Variants in RALGPS1 observed in about 807,000 individuals in gnomAD.
RALGPS1 encodes ras-specific guanine nucleotide-releasing factor RalGPS1.
In RALGPS1, 19 loss-of-function variants were observed where a neutral mutation model predicts 78.8. That is an observed-to-expected ratio of 0.24 (90% CI 0.17 to 0.35). RALGPS1 has a LOEUF of 0.35. Among genes scored for constraint, RALGPS1 ranks in the 10% least tolerant of loss-of-function variants. The probability of loss-of-function intolerance (pLI) is 1.00; values close to 1 mark genes in which losing one functional copy is unlikely to be tolerated. For synonymous variants in RALGPS1, 228 were observed against 256.3 expected (o/e 0.89, Z 1.06); for missense variants, 454 against 688.3 (o/e 0.66, Z 3.81).
At chr9:127,018,265 C>G (rs1378450144) in intron 4 of RALGPS1, among the ~76,000 whole-genome samples, 1 of 151,332 alleles carries the variant, frequency 6.6e-6, no homozygotes, top group Non-Finnish European at 1.5e-5. Flanking sequence ...CAAAATAATG[C>G]CTTCTTCCGG....
At chr9:127,159,894 G>GA (rs1292243981) in intron 8 of RALGPS1, among the ~76,000 whole-genome samples, 2 of 152,030 alleles carry the variant, frequency 1.3e-5, no homozygotes, top group South Asian at 2.1e-4. Flanking sequence ...GGAGAACATG[G>GA]AAAAAAGTCT....
At chr9:127,048,699 T>C (rs989013422) in intron 5 of RALGPS1, among the ~76,000 whole-genome samples, 1 of 152,244 alleles carries the variant, frequency 6.6e-6, no homozygotes, top group African/African-American at 2.4e-5. Context: ...CACTTGAGTG[T>C]GATAATATGC....
rs370774126 is a variant in RALGPS1 at position 127,168,525 on chromosome 9, C to T, written c.749-154C>T. Among the ~76,000 whole-genome samples the T allele has an allele frequency of 4.6e-5, 7 of 152,244 alleles. No homozygotes were observed. In the East Asian group the frequency reaches 5.8e-4, roughly 13 times the overall value. Reference sequence around the variant, plus strand: ...GATCCCTCTGTTCCAGTGGCCAGCACAGGGCCAGTCCCCAAAGAGCATCAG... The same window carrying T: ...GATCCCTCTGTTCCAGTGGCCAGCATAGGGCCAGTCCCCAAAGAGCATCAG... On this transcript the variant is annotated intron_variant, in intron 9 of 18. Coordinates refer to ENST00000259351, the MANE Select transcript of RALGPS1 (RefSeq NM_014636.3).
intron 1 of RALGPS1, among the ~76,000 whole-genome samples, chr9:126,915,838 G>A (rs2034103035): frequency 9.2e-6 from 1 of 108,462 alleles, no homozygotes; most frequent in South Asian, 3.5e-4. Context: ...TGTGCTTGAA[G>A]AGTAGTATGA....
intron 1 of RALGPS1, among the ~76,000 whole-genome samples, chr9:126,940,428 A>G (rs979997916): frequency 3.5e-5 from 5 of 142,444 alleles, no homozygotes; most frequent in African/African-American, 1.0e-4. Flanking sequence ...GGGCAGGTGT[A>G]TGTATATATA....
intron 8 of RALGPS1, among the ~76,000 whole-genome samples, chr9:127,165,286 C>T (rs1013782039): frequency 6.6e-6 from 1 of 152,262 alleles, no homozygotes; most frequent in Non-Finnish European, 1.5e-5. Flanking sequence ...TGAAGCTCGG[C>T]CCTGCAGCTA....
chr9:126,982,928 CTTTTTTTTT>C (rs71377984), intron 4 of RALGPS1, among the ~76,000 whole-genome samples: 28 of 34,628 alleles, frequency 8.1e-4, no homozygotes, highest in African/African-American at 1.9e-3. Context: ...TCTTCTTCTT[CTTTTTTTTT>C]TTTTTTTTTT....
At chr9:126,918,933 G>C (rs2034471017) in intron 1 of RALGPS1, among the ~76,000 whole-genome samples, 1 of 152,152 alleles carries the variant, frequency 6.6e-6, no homozygotes, top group South Asian at 2.1e-4. Context: ...GCCTCCCAAA[G>C]TGCTGGGATT....
chr9:127,070,496 C>T (rs1422980139), intron 8 of RALGPS1, among the ~76,000 whole-genome samples: 1 of 152,176 alleles, frequency 6.6e-6, no homozygotes, highest in Non-Finnish European at 1.5e-5. Flanking sequence ...CCAAAATGCA[C>T]TCCAGAGAAG....
intron 1 of RALGPS1, among the ~76,000 whole-genome samples, chr9:126,952,557 G>T (rs1324688840): frequency 6.6e-6 from 1 of 152,064 alleles, no homozygotes; most frequent in African/African-American, 2.4e-5. Context: ...AGGAGGTCCA[G>T]ACCCAGAGTA....
At chr9:126,970,612 TAA>T (rs2040011315) in intron 3 of RALGPS1, among the ~76,000 whole-genome samples, 1 of 126,646 alleles carries the variant, frequency 7.9e-6, no homozygotes, top group Admixed American at 7.8e-5. Context: ...AAAGATGATC[TAA>T]GAGTGTGTGT....
intron 14 of RALGPS1, among the ~76,000 whole-genome samples, chr9:127,199,928 A>G (rs1588519239): frequency 6.6e-6 from 1 of 152,136 alleles, no homozygotes; most frequent in East Asian, 1.9e-4. Context: ...ATGCACACTC[A>G]CATATACACA....
intron 11 of RALGPS1, among the ~76,000 whole-genome samples, chr9:127,190,838 C>G (rs2140415200): frequency 6.6e-6 from 1 of 152,338 alleles, no homozygotes; most frequent in Non-Finnish European, 1.5e-5. Context: ...CCAAATATTT[C>G]ACCTTCATAT....
chr9:127,211,994 C>A lies in RALGPS1; in HGVS notation c.1248-137C>A. ...TTATCACCTGGCCCTCCCCTCCGGG[C>A]CTTGCTCTGCGCCGTTAAGTCTGGA... On this transcript the variant is annotated intron_variant, in intron 14 of 18. Transcript: ENST00000259351. The surrounding 1 kb of genome is among the most constrained non-coding windows in gnomAD (Gnocchi z 5.0). 3 of 645,586 alleles carry A rather than the reference C, an allele frequency of 4.6e-6. No homozygotes were observed. In the East Asian group the frequency reaches 8.7e-5, roughly 19 times the overall value. 40.0% of individuals were successfully genotyped at this position (645,586 alleles called of 1,614,324 possible).
At chr9:126,960,776 A>C (rs1205670260) in intron 1 of RALGPS1, among the ~76,000 whole-genome samples, 1 of 151,542 alleles carries the variant, frequency 6.6e-6, no homozygotes, top group African/African-American at 2.4e-5. Context: ...TCCCAAATCA[A>C]ATTCATCATC....
At chr9:127,076,188 A>G (rs556318971) in intron 8 of RALGPS1, among the ~76,000 whole-genome samples, 1 of 152,384 alleles carries the variant, frequency 6.6e-6, no homozygotes, top group South Asian at 2.1e-4. Context: ...AATGATAACA[A>G]AAGCAAGCAA....
At chr9:127,206,490 G>T (rs576852822) in intron 14 of RALGPS1, among the ~76,000 whole-genome samples, 1 of 152,118 alleles carries the variant, frequency 6.6e-6, no homozygotes, top group Non-Finnish European at 1.5e-5. Flanking sequence ...AAAACCATCA[G>T]ATCTTGTGAG....
chr9:127,051,030 G>T (rs1402640357), intron 6 of RALGPS1, among the ~76,000 whole-genome samples: 1 of 152,258 alleles, frequency 6.6e-6, no homozygotes, highest in Non-Finnish European at 1.5e-5. Flanking sequence ...TAGCCAGTCA[G>T]TGGTGGGCAG....
intron 4 of RALGPS1, among the ~76,000 whole-genome samples, chr9:127,006,845 A>G (rs1056454009): frequency 6.6e-6 from 1 of 151,726 alleles, no homozygotes; most frequent in Non-Finnish European, 1.5e-5. Context: ...TTTGTGTTAT[A>G]GTTTTCATTT....
Sources: allele counts gnomAD v4.1 joint callset (sites outside exome capture counted in the v4.1 genomes callset), GRCh38; gene constraint gnomAD v4.1.1; non-coding constraint Gnocchi (gnomAD v3.1); transcripts MANE v1.5; gene names NCBI Gene and HGNC (gene_info 2026-07-23, HGNC 2026-07-21).